PPP3CA: variants seen among roughly 807,000 people sequenced by gnomAD.
PPP3CA encodes protein phosphatase 3 catalytic subunit alpha.
A neutral mutation model predicts 66.5 loss-of-function variants in PPP3CA; 14 were observed. The ratio of observed to expected loss-of-function variants is 0.21; its 90% confidence interval spans 0.14 to 0.33. The LOEUF is 0.33. Ranked by LOEUF, PPP3CA falls within the 10% of genes least tolerant of loss-of-function variation. The pLI is 1.00. For synonymous variants in PPP3CA, 232 were observed against 226.2 expected, an observed-to-expected ratio of 1.03 and a Z score of -0.23; for missense variants, 317 against 639.5, an observed-to-expected ratio of 0.50 and a Z score of 5.44.
intron 6 of PPP3CA, among the ~76,000 whole-genome samples, chr4:101,092,239 A>G (rs1729985705): frequency 6.6e-6 from 1 of 152,150 alleles, no homozygotes; most frequent in Admixed American, 6.6e-5. Context: ...TATGGTTCCT[A>G]TATACTGTAA....
intron 8 of PPP3CA, among the ~76,000 whole-genome samples, chr4:101,063,945 A>G (rs1019796882): frequency 6.6e-6 from 1 of 151,990 alleles, no homozygotes; most frequent in Non-Finnish European, 1.5e-5. Flanking sequence ...ATTAAATACC[A>G]TATCAAACAT....
intron 1 of PPP3CA, among the ~76,000 whole-genome samples, chr4:101,346,110 GC>G (rs1451447305): frequency 1.4e-5 from 2 of 143,918 alleles, no homozygotes; most frequent in African/African-American, 2.6e-5. Flanking sequence ...CCCCGCCCCC[GC>G]CCCGCGCGGA....
intron 1 of PPP3CA, among the ~76,000 whole-genome samples, chr4:101,294,911 T>C (rs759538333): frequency 2.0e-5 from 3 of 151,772 alleles, no homozygotes; most frequent in Non-Finnish European, 4.4e-5. Context: ...GGTCCCAAAA[T>C]ACAAAATGTC....
intron 2 of PPP3CA, among the ~76,000 whole-genome samples, chr4:101,172,688 G>A (rs1723924542): frequency 6.6e-6 from 1 of 152,044 alleles, no homozygotes; most frequent in Admixed American, 6.5e-5. Context: ...AAATCACCTA[G>A]TTTTCTAATG....
chr4:101,074,262 A>G (rs1729049362), intron 8 of PPP3CA, among the ~76,000 whole-genome samples: 2 of 152,194 alleles, frequency 1.3e-5, no homozygotes, highest in Admixed American at 1.3e-4. Context: ...GCCTGGGTAT[A>G]GATTCCACTT....
chr4:101,298,322 C>T (rs775801952), intron 1 of PPP3CA, among the ~76,000 whole-genome samples: 1 of 148,464 alleles, frequency 6.7e-6, no homozygotes, highest in Non-Finnish European at 1.5e-5. Context: ...ACTAACAATA[C>T]CTATACCAAG....
At chr4:101,211,461 A>T (rs2850998) in intron 1 of PPP3CA, among the ~76,000 whole-genome samples, 26,021 of 152,142 alleles carry the variant, frequency 0.17, 3,255 homozygotes, top group East Asian at 0.33. Flanking sequence ...TTATTCTGCA[A>T]GCACAGTTTG....
intron 11 of PPP3CA, among the ~76,000 whole-genome samples, chr4:101,037,998 A>C (rs1400308119): frequency 6.6e-6 from 1 of 152,178 alleles, no homozygotes; most frequent in Non-Finnish European, 1.5e-5. Flanking sequence ...GAGTTTGGAC[A>C]CTCTGCTTAG....
chr4:101,342,067 G>T (rs1171617280), intron 1 of PPP3CA, among the ~76,000 whole-genome samples: 2 of 151,990 alleles, frequency 1.3e-5, no homozygotes, highest in African/African-American at 4.8e-5. Flanking sequence ...TAAATGAATG[G>T]TCTATCAAAA....
intron 10 of PPP3CA, among the ~76,000 whole-genome samples, chr4:101,043,253 T>TA (rs745803772): frequency 9.2e-5 from 14 of 152,018 alleles, no homozygotes; most frequent in African/African-American, 2.9e-4. Context: ...AGATTTCTGA[T>TA]AAAAAACTTG....
intron 1 of PPP3CA, among the ~76,000 whole-genome samples, chr4:101,271,220 C>T (rs140429999): frequency 6.6e-6 from 1 of 152,136 alleles, no homozygotes; most frequent in East Asian, 1.9e-4. Flanking sequence ...AGCTTTCAGT[C>T]GACAATAAAC....
At chr4:101,321,331 T>TA (rs937133501) in intron 1 of PPP3CA, among the ~76,000 whole-genome samples, 45 of 152,248 alleles carry the variant, frequency 3.0e-4, no homozygotes, top group African/African-American at 8.9e-4. Flanking sequence ...CTACATTATT[T>TA]AAAAAAACAG....
intron 2 of PPP3CA, among the ~76,000 whole-genome samples, chr4:101,118,457 C>A (rs1721917075): frequency 6.6e-6 from 1 of 151,962 alleles, no homozygotes; most frequent in African/African-American, 2.4e-5. Flanking sequence ...GCAGCACATA[C>A]TACACACCTG....
Position 101,052,667 on chromosome 4 carries a change from C to T in PPP3CA, c.1156+8420G>A, listed in dbSNP as rs866633409. On this transcript the variant is annotated intron_variant, in intron 10 of 13. Transcript: ENST00000394854. ...ATATTAAATAACCTACCTTTTTACA[C>T]ATCTTTCTTTCCCTGTACCCTAATT... is the stretch of plus-strand genomic sequence containing the variant. 2.6e-5 allele frequency among the ~76,000 whole-genome samples: 4 copies of T among 151,928 alleles called. No individual in the cohort carries two copies. The South Asian group carries it at 8.3e-4, about 31-fold the overall frequency.
intron 6 of PPP3CA, among the ~76,000 whole-genome samples, chr4:101,088,020 A>C (rs555172472): frequency 6.6e-6 from 1 of 152,242 alleles, no homozygotes; most frequent in African/African-American, 2.4e-5. Context: ...CTAATCCTTT[A>C]AAACTCAGGT....
At chr4:101,344,367 A>T (rs180799978) in intron 1 of PPP3CA, among the ~76,000 whole-genome samples, 4 of 152,214 alleles carry the variant, frequency 2.6e-5, no homozygotes, top group Non-Finnish European at 4.4e-5. Flanking sequence ...GGTTGAATCC[A>T]ACCTTGTATA....
At chr4:101,284,424 A>G (rs976212539) in intron 1 of PPP3CA, among the ~76,000 whole-genome samples, 7 of 152,176 alleles carry the variant, frequency 4.6e-5, no homozygotes, top group African/African-American at 1.4e-4. Flanking sequence ...TTTTTTACAC[A>G]TGAAGACATT....
intron 1 of PPP3CA, among the ~76,000 whole-genome samples, chr4:101,331,251 A>C (rs1729376094): frequency 6.6e-6 from 1 of 152,200 alleles, no homozygotes; most frequent in Non-Finnish European, 1.5e-5. Context: ...CTCACTAGGA[A>C]ACTTTGCATA....
chr4:101,319,207 A>G (rs951719698), intron 1 of PPP3CA, among the ~76,000 whole-genome samples: 43 of 151,816 alleles, frequency 2.8e-4, no homozygotes, highest in African/African-American at 1.0e-3. Context: ...AAAAGGAAGA[A>G]CAGAGAGTTT....
Sources: gnomAD v4.1 joint callset for allele counts (sites outside exome capture counted in the v4.1 genomes callset) on GRCh38, gnomAD v4.1.1 for gene constraint, MANE v1.5 for transcripts, NCBI Gene and HGNC (gene_info 2026-07-23, HGNC 2026-07-21) for gene names.